MYO7B: variants seen among roughly 807,000 people sequenced by gnomAD.
The protein encoded by MYO7B is myosin VIIB.
A neutral mutation model predicts 259.7 loss-of-function variants in MYO7B; 212 were observed. That is an observed-to-expected ratio of 0.82 (90% CI 0.73 to 0.91). The LOEUF (loss-of-function observed/expected upper bound fraction) is 0.91, where lower values mean the gene tolerates loss of function less well. Ranked by LOEUF, MYO7B falls within the 40% of genes least tolerant of loss-of-function variation. MYO7B has a pLI of 0.00. For missense variants in MYO7B, 2,732 were observed against 2,813.5 expected, an observed-to-expected ratio of 0.97 and a Z score of 0.66; for synonymous variants, 1,197 against 1,166.4, an observed-to-expected ratio of 1.03 and a Z score of -0.54.
chr2:127,590,227 C>T lies in MYO7B; in HGVS notation c.1990C>T (p.Leu664=). Residue 664 remains leucine, a splice_region_variant and synonymous_variant, in exon 16 of 48, where the codon CTG becomes TTG. Transcript: ENST00000409816. The surrounding 1 kb of genome is among the most constrained non-coding windows in gnomAD (Gnocchi z 4.6). Reference sequence around the variant, plus strand: ...CAAACCTAATGAGTACAAGAAGCCGCTGGTAATGACAGGAGGCTGGGGCAC... The same window carrying T: ...CAAACCTAATGAGTACAAGAAGCCGTTGGTAATGACAGGAGGCTGGGGCAC... The part of the protein sequence containing the change: ...CIKPNEYKKP[L]LFDRELCLRQ... The T allele has an allele frequency of 6.2e-7, 1 of 1,612,782 alleles. No homozygotes were observed. Among genetic ancestry groups the T allele is most frequent in the South Asian group, 1.1e-5 (1 of 91,056 alleles).
chr2:127,634,425 A>G, intron 41 of MYO7B, 136 bp downstream of exon 41: 1 of 889,758 alleles, frequency 1.1e-6, no homozygotes, highest in Non-Finnish European at 1.7e-6. Flanking sequence ...GCTGGGACAG[A>G]GGTAGGTGGG....
intron 1 of MYO7B, among the ~76,000 whole-genome samples, chr2:127,545,568 G>A (rs901766358): frequency 2.0e-5 from 3 of 152,228 alleles, no homozygotes; most frequent in African/African-American, 7.2e-5. Context: ...ATAGAACGAG[G>A]CTCTGCTGGG....
At chr2:127,568,898 T>A (rs1678469679) in intron 5 of MYO7B, among the ~76,000 whole-genome samples, 1 of 143,144 alleles carries the variant, frequency 7.0e-6, no homozygotes, top group Non-Finnish European at 1.5e-5. Context: ...AGACTCCGTC[T>A]CAAAAAAAAA....
chr2:127,574,118 A>G, intron 7 of MYO7B, 56 bp downstream of exon 7: 1 of 1,604,238 alleles, frequency 6.2e-7, no homozygotes. Flanking sequence ...GGTTTCCAAG[A>G]GGGGCCCCTT....
At chr2:127,555,229 G>T (rs948066455) in intron 1 of MYO7B, among the ~76,000 whole-genome samples, 1 of 152,172 alleles carries the variant, frequency 6.6e-6, no homozygotes, top group Non-Finnish European at 1.5e-5. Flanking sequence ...TTACAGGCTT[G>T]AGCCACCGTG....
In MYO7B at chr2:127,609,584, G is replaced by T; in HGVS notation, c.2893G>T (p.Val965Leu). ...CATGGCGGAGGAGCCTGAGGAGGAT[G>T]TGGATGGCCTGGCCGAGTACACCTT... Reference protein sequence around the residue: ...VPMAEEPEEDVDGLAEYTFPK... With the variant: ...VPMAEEPEEDLDGLAEYTFPK... The change falls in exon 23 of 48, where the codon GTG becomes TTG. Residue 965 changes from valine (V) to leucine (L), a missense_variant. Around this residue, in one of 3 missense-constraint regions of MYO7B, gnomAD observed 1,906 missense variants for 2,026.4 expected, o/e 0.94. Transcript: ENST00000409816. The surrounding 1 kb of genome is among the most constrained non-coding windows in gnomAD (Gnocchi z 6.9). The T allele has an allele frequency of 6.2e-7, 1 of 1,614,034 alleles. No homozygotes were observed.
intron 7 of MYO7B, among the ~76,000 whole-genome samples, chr2:127,574,658 G>A (rs888680004): frequency 5.9e-5 from 9 of 152,202 alleles, no homozygotes; most frequent in East Asian, 1.9e-4. Context: ...TGGGTGGGCC[G>A]TATCTTCAGG....
Position 127,577,807 on chromosome 2 carries a change from G to A in MYO7B, c.850-326G>A, listed in dbSNP as rs114131884. 7.2e-5 allele frequency among the ~76,000 whole-genome samples: 11 copies of A among 152,332 alleles called. No homozygotes were observed. The highest frequency in any genetic ancestry group is 4.1e-4 in the South Asian group (2 of 4,826). On this transcript the variant is annotated intron_variant, in intron 8 of 47. Transcript: ENST00000409816. The surrounding 1 kb of genome is among the most constrained non-coding windows in gnomAD (Gnocchi z 5.2). Reference sequence around the variant, plus strand: ...CAGGGCCTGGCCCATGGCGAGCCATGGAAAGTGTTTCTTAAAGGAACAAAC... The same window carrying A: ...CAGGGCCTGGCCCATGGCGAGCCATAGAAAGTGTTTCTTAAAGGAACAAAC...
chr2:127,612,919 A>G (rs866748406), intron 26 of MYO7B, among the ~76,000 whole-genome samples: 2 of 152,236 alleles, frequency 1.3e-5, no homozygotes, highest in Non-Finnish European at 2.9e-5. Context: ...TGTGCTTTAT[A>G]TACAATTTGC....
At chr2:127,616,242 A>G (rs182070778) in intron 26 of MYO7B, among the ~76,000 whole-genome samples, 1 of 152,288 alleles carries the variant, frequency 6.6e-6, no homozygotes, top group Non-Finnish European at 1.5e-5. Context: ...AAAATCCTCA[A>G]GCTCTATTAC....
chr2:127,637,571 C>G lies in MYO7B; in HGVS notation c.*154C>G. 2 of 567,374 alleles carry G rather than the reference C, an allele frequency of 3.5e-6. No homozygotes were observed. Among genetic ancestry groups the G allele is most frequent in the Non-Finnish European group, 6.0e-6 (2 of 335,596 alleles). 35.1% of individuals were successfully genotyped at this position (567,374 alleles called of 1,614,324 possible). A position where few individuals can be genotyped will look rare whatever the true frequency, so the allele number is the denominator to read the frequency against. On this transcript the variant is annotated 3_prime_UTR_variant, in exon 48 of 48. Coordinates refer to ENST00000409816, the MANE Select transcript of MYO7B (RefSeq NM_001393586.1). ...CACTCAGCCCCGCAGGCGGCCCCCT[C>G]TGTCCTGGGCGCTGCCCAGGGAGGC...
rs1681593685 is a variant in MYO7B at position 127,632,836 on chromosome 2, G to T, written c.5406-422G>T. Among the ~76,000 whole-genome samples the T allele has an allele frequency of 2.0e-5, 3 of 152,170 alleles. No individual in the cohort carries two copies. The South Asian group carries it at 6.2e-4, about 31-fold the overall frequency. ...GCCTCCTCTGGCTTGGCCTCCTGTG[G>T]CCGTGAGGAGGGCAGGTTGACTGTA... On this transcript the variant is annotated intron_variant, in intron 39 of 47. Coordinates refer to ENST00000409816, the MANE Select transcript of MYO7B (RefSeq NM_001393586.1).
chr2:127,619,739 G>A (rs975793216), intron 26 of MYO7B, among the ~76,000 whole-genome samples: 1 of 152,162 alleles, frequency 6.6e-6, no homozygotes, highest in African/African-American at 2.4e-5. Flanking sequence ...CTCTGGAGAT[G>A]TGGCATTTGA....
chr2:127,589,796 G>A (rs534454705), intron 15 of MYO7B, among the ~76,000 whole-genome samples: 1,389 of 134,214 alleles, frequency 0.01, 15 homozygotes, highest in Admixed American at 0.016. Context: ...ACGCATGGGT[G>A]GGTGGGTGGA....
rs1573650507 is a variant in MYO7B, at chr2:127,581,933, A to G, written c.1123A>G (p.Ile375Val). 1.9e-6 allele frequency: 3 copies of G among 1,613,730 alleles called. No homozygotes were observed. The highest frequency in any genetic ancestry group is 1.3e-5 in the African/African-American group (1 of 74,908). ...CCGGGACTGTCTGATCAAGCACACC[A>G]TCCTCATCCGAGGGGAATTTGTCAC... The part of the protein sequence containing the change: ...ELRDCLIKHT[I>V]LIRGEFVTRS... Residue 375 changes from isoleucine to valine, a missense_variant, in exon 11 of 48, where the codon ATC (isoleucine) becomes GTC (valine). Transcript: ENST00000409816.
chr2:127,608,060 A>G (rs1355574569), intron 21 of MYO7B, among the ~76,000 whole-genome samples: 1 of 152,140 alleles, frequency 6.6e-6, no homozygotes, highest in Non-Finnish European at 1.5e-5. Flanking sequence ...GCACCAAGAA[A>G]ATAACCCCAT....
rs959204108 is a variant in MYO7B at position 127,611,992 on chromosome 2, A to T, written c.3193-258A>T. 6.6e-6 allele frequency among the ~76,000 whole-genome samples: 1 copy of T among 152,136 alleles called. No individual in the cohort carries two copies. Among genetic ancestry groups the T allele is most frequent in the Admixed American group, 6.5e-5 (1 of 15,284 alleles). On this transcript the variant is annotated intron_variant, in intron 24 of 47. Transcript: ENST00000409816. This position sits in a 1 kb window ranked among gnomAD's most constrained non-coding sequence, Gnocchi z 5.4. ...CTGAGCCCCTCCCTGGGGGCTGGTG[A>T]CCCACTGAGCAGCTTTTGTCTAGTC...
chr2:127,593,442 C>G, intron 17 of MYO7B, 104 bp from the exon 18 acceptor site: 2 of 1,179,384 alleles, frequency 1.7e-6, no homozygotes, highest in Non-Finnish European at 2.4e-6. Flanking sequence ...GCGGCAGCCC[C>G]TGATGGGGGA....
At chr2:127,561,407 C>T (rs1397995303) in intron 2 of MYO7B, among the ~76,000 whole-genome samples, 1 of 152,028 alleles carries the variant, frequency 6.6e-6, no homozygotes, top group African/African-American at 2.4e-5. Flanking sequence ...TACAGGCACC[C>T]ACCACCATGC....
Sources: gnomAD v4.1 joint callset for allele counts (sites outside exome capture counted in the v4.1 genomes callset) on GRCh38, gnomAD v4.1.1 for gene constraint, gnomAD v4.1.1 regional missense constraint, Gnocchi (gnomAD v3.1) non-coding constraint, MANE v1.5 for transcripts, NCBI Gene and HGNC (gene_info 2026-07-23, HGNC 2026-07-21) for gene names.